The following FAT4 variants were observed in gnomAD, a reference collection of about 807,000 sequenced individuals.
The protein encoded by FAT4 is protocadherin Fat 4.
In FAT4, 84 loss-of-function variants were observed where a neutral mutation model predicts 303.9. The ratio of observed to expected loss-of-function variants is 0.28; its 90% CI spans 0.23 to 0.33. FAT4 has a LOEUF of 0.33. Among genes scored for constraint, FAT4 ranks in the 10% least tolerant of loss-of-function variants. The probability of loss-of-function intolerance (pLI) is 1.00; values close to 1 mark genes in which losing one functional copy is unlikely to be tolerated. For synonymous variants in FAT4, 2,307 were observed against 2,298.8 expected, an observed-to-expected ratio of 1.00 and a Z score of -0.10; for missense variants, 6,005 against 6,146.8, an observed-to-expected ratio of 0.98 and a Z score of 0.77.
chr4:125,435,123 T>A (rs1725409047), intron 8 of FAT4, among the ~76,000 whole-genome samples: 1 of 152,240 alleles, frequency 6.6e-6, no homozygotes, highest in Admixed American at 6.5e-5. Flanking sequence ...ATTTGTGTAT[T>A]CTTCATTTAG....
intron 11 of FAT4, among the ~76,000 whole-genome samples, chr4:125,467,236 CA>C: frequency 1.3e-5 from 2 of 152,222 alleles, no homozygotes; most frequent in Middle Eastern, 6.8e-3. Flanking sequence ...GCTAGACAAT[CA>C]GTAGATCTGG....
chr4:125,353,201 T>G (rs1158880738), intron 2 of FAT4, among the ~76,000 whole-genome samples: 1 of 151,728 alleles, frequency 6.6e-6, no homozygotes, highest in African/African-American at 2.4e-5. Context: ...TCAGAATGAC[T>G]TCTTCATTCA....
chr4:125,434,621 T>A (rs761260048), intron 8 of FAT4, among the ~76,000 whole-genome samples, 196 bp downstream of exon 8: 6 of 152,204 alleles, frequency 3.9e-5, no homozygotes, highest in Non-Finnish European at 5.9e-5. Context: ...TCTAAGATTT[T>A]ATTTAATTTT....
chr4:125,447,946 A>G (rs1027046153), intron 9 of FAT4, among the ~76,000 whole-genome samples: 1 of 152,086 alleles, frequency 6.6e-6, no homozygotes, highest in South Asian at 2.1e-4. Flanking sequence ...GTATAAAGGA[A>G]TTTTGTCATA....
At chr4:125,458,664 T>C (rs1334201536) in intron 10 of FAT4, among the ~76,000 whole-genome samples, 1 of 152,030 alleles carries the variant, frequency 6.6e-6, no homozygotes, top group African/African-American at 2.4e-5. Context: ...TAAATGCTTA[T>C]TTCTGTAGAA....
At position 125,315,675 on chromosome 4, in the gene FAT4, G is replaced by A. The variant is rs1206136156; in HGVS notation, c.-315G>A. Reference sequence around the variant, plus strand: ...AGGGGCGGCGGCGGCGGCGGCTGCAGGAGGGGAAGGGGCAGAGTTGAGCGC... The same window carrying A: ...AGGGGCGGCGGCGGCGGCGGCTGCAAGAGGGGAAGGGGCAGAGTTGAGCGC... On this transcript the variant is annotated 5_prime_UTR_variant, in exon 1 of 18. Transcript: ENST00000394329. Among the ~76,000 whole-genome samples, 2 of 152,198 alleles carry A rather than the reference G, an allele frequency of 1.3e-5. No individual in the cohort carries two copies.
intron 16 of FAT4, among the ~76,000 whole-genome samples, chr4:125,483,850 T>C (rs2126089075): frequency 6.6e-6 from 1 of 151,480 alleles, no homozygotes; most frequent in Non-Finnish European, 1.5e-5. Context: ...GATAGGAGTA[T>C]CAAGTGCTTA....
Position 125,446,511 on chromosome 4 carries a change from A to G in FAT4, c.7418A>G (p.Tyr2473Cys), listed in dbSNP as rs1228034576. The change falls in exon 9 of 18, where the codon TAT (tyrosine) becomes TGT (cysteine). Residue 2473 changes from tyrosine to cysteine, a missense_variant. Transcript: ENST00000394329. ...DNPPRFQHHP[Y>C]VTHIPSPTLP... ...CCACCAAGATTTCAGCATCACCCAT[A>G]TGTCACTCACATCCCATCTCCTACT... 2 of 1,613,106 alleles carry G rather than the reference A, an allele frequency of 1.2e-6. No homozygotes were observed. Among genetic ancestry groups the G allele is most frequent in the Non-Finnish European group, 1.7e-6 (2 of 1,179,228 alleles).
chr4:125,428,545 G>C (rs1374816769), intron 7 of FAT4, among the ~76,000 whole-genome samples: 1 of 151,948 alleles, frequency 6.6e-6, no homozygotes, highest in African/African-American at 2.4e-5. Flanking sequence ...TGCACAATTT[G>C]GTTTGTGTAA....
intron 2 of FAT4, among the ~76,000 whole-genome samples, chr4:125,333,426 T>A (rs1248420092): frequency 6.6e-6 from 1 of 152,210 alleles, no homozygotes; most frequent in Non-Finnish European, 1.5e-5. Flanking sequence ...TCTTTTCGTG[T>A]GGATTTGTGG....
At chr4:125,366,424 A>G (rs185601504) in intron 2 of FAT4, among the ~76,000 whole-genome samples, 7 of 152,306 alleles carry the variant, frequency 4.6e-5, no homozygotes, top group African/African-American at 1.2e-4. Context: ...TGCAAAGGAC[A>G]TGATCTTGTT....
At chr4:125,465,591 G>A (rs191301390) in intron 11 of FAT4, among the ~76,000 whole-genome samples, 1 of 152,270 alleles carries the variant, frequency 6.6e-6, no homozygotes, top group Non-Finnish European at 1.5e-5. Flanking sequence ...ATAAAAACAA[G>A]TTGCTGCTGC....
At chr4:125,447,680 A>T (rs994226083) in intron 9 of FAT4, among the ~76,000 whole-genome samples, 1 of 151,918 alleles carries the variant, frequency 6.6e-6, no homozygotes, top group African/African-American at 2.4e-5. Flanking sequence ...CAGGTTTGGG[A>T]ATGGTTTCTG....
Position 125,404,270 on chromosome 4 carries a change from A to T in FAT4, c.5308-2610A>T, listed in dbSNP as rs184604809. On this transcript the variant is annotated intron_variant, in intron 3 of 17. Transcript: ENST00000394329. ...TCTCTTGGGCCCCAACTGTATTCAC[A>T]ATCTGCCTTCTCTGGCCTCTCCCTA... Among the ~76,000 whole-genome samples, 825 of 152,196 alleles carry T rather than the reference A, an allele frequency of 5.4e-3. 5 individuals are homozygous for T. The highest frequency in any genetic ancestry group is 0.017 in the African/African-American group (687 of 41,540).
chr4:125,401,545 T>C (rs1347648940), intron 3 of FAT4, among the ~76,000 whole-genome samples: 1 of 151,986 alleles, frequency 6.6e-6, no homozygotes, highest in East Asian at 1.9e-4. Context: ...CATTAATTAC[T>C]TTACCTAACA....
chr4:125,344,442 A>G (rs1731921509), intron 2 of FAT4, among the ~76,000 whole-genome samples: 1 of 152,204 alleles, frequency 6.6e-6, no homozygotes, highest in East Asian at 1.9e-4. Context: ...TTTAACGACC[A>G]GAAAATTCTT....
chr4:125,450,661 C>A lies in FAT4; in HGVS notation c.9651C>A (p.His3217Gln), dbSNP rs1318505203. 1 of 1,614,052 alleles carries A rather than the reference C, an allele frequency of 6.2e-7. No individual in the cohort carries two copies. The highest frequency in any genetic ancestry group is 8.5e-7 in the Non-Finnish European group (1 of 1,179,996). The change falls in exon 10 of 18, where the codon CAC becomes CAA. Residue 3217 changes from histidine (H) to glutamine (Q), a missense_variant. By Grantham distance (24) the His-to-Gln change is conservative. Coordinates refer to ENST00000394329, the MANE Select transcript of FAT4 (RefSeq NM_001291303.3). ...ENAPSGTTVI[H>Q]LNATDADSGT... ...CCCCAAGTGGAACAACAGTTATCCA[C>A]CTAAATGCAACAGATGCTGACTCTG...
chr4:125,376,773 C>T (rs372909542), intron 2 of FAT4, among the ~76,000 whole-genome samples: 1 of 151,920 alleles, frequency 6.6e-6, no homozygotes, highest in African/African-American at 2.4e-5. Context: ...GTGGCGCATG[C>T]CTGCAATGGG....
intron 2 of FAT4, among the ~76,000 whole-genome samples, chr4:125,364,037 C>A (rs1007361983): frequency 6.6e-6 from 1 of 152,030 alleles, no homozygotes; most frequent in African/African-American, 2.4e-5. Context: ...CAAAAGTGAG[C>A]AGAAACAGTT....
Sources: allele counts gnomAD v4.1 joint callset (sites outside exome capture counted in the v4.1 genomes callset), GRCh38; gene constraint gnomAD v4.1.1; transcripts MANE v1.5; gene names NCBI Gene and HGNC (gene_info 2026-07-23, HGNC 2026-07-21).